The following CTNNA2 variants were observed in gnomAD, a reference collection of about 807,000 sequenced individuals.
CTNNA2 encodes catenin alpha 2.
A neutral mutation model predicts 101.0 loss-of-function variants in CTNNA2; 42 were observed. The ratio of observed to expected loss-of-function variants is 0.42; its 90% CI spans 0.32 to 0.54. The LOEUF (loss-of-function observed/expected upper bound fraction) is 0.54, where lower values mean the gene tolerates loss of function less well. CTNNA2 is among the 20% of genes least tolerant of loss of function. The pLI, the probability that CTNNA2 is intolerant of heterozygous loss-of-function variation, is 0.14. For synonymous variants in CTNNA2, 450 were observed against 456.4 expected, an observed-to-expected ratio of 0.99 and a Z score of 0.18; for missense variants, 871 against 1,223.1, an observed-to-expected ratio of 0.71 and a Z score of 4.29.
chr2:79,682,410 CAAAAA>C (rs10674928), intron 2 of CTNNA2, among the ~76,000 whole-genome samples: 1 of 73,334 alleles, frequency 1.4e-5, no homozygotes, highest in Admixed American at 1.8e-4. Context: ...AACTCCATCT[CAAAAA>C]AAAAAAAAAA....
intron 18 of CTNNA2, among the ~76,000 whole-genome samples, chr2:80,646,573 A>G (rs1203786172): frequency 6.6e-6 from 1 of 152,012 alleles, no homozygotes; most frequent in Non-Finnish European, 1.5e-5. Context: ...TGGTTGGGCT[A>G]TAACATTGAG....
chr2:79,314,928 G>A (rs1676462247), intron 3 of CTNNA2, among the ~76,000 whole-genome samples: 3 of 152,112 alleles, frequency 2.0e-5, no homozygotes, highest in Admixed American at 2.0e-4. Context: ...ATCCTTTAAT[G>A]CACAAAGGTT....
At chr2:80,012,388 A>AG (rs1300484637) in intron 7 of CTNNA2, among the ~76,000 whole-genome samples, 8 of 152,290 alleles carry the variant, frequency 5.3e-5, no homozygotes, top group Middle Eastern at 3.4e-3. Context: ...AAATCTTATA[A>AG]AGCTGTCTTG....
intron 1 of CTNNA2, among the ~76,000 whole-genome samples, chr2:79,556,634 G>A (rs1210472995): frequency 6.6e-6 from 1 of 151,912 alleles, no homozygotes; most frequent in African/African-American, 2.4e-5. Flanking sequence ...CCACACTTAG[G>A]TACTTGTCAA....
chr2:79,647,309 T>A (rs2104452405), intron 1 of CTNNA2, among the ~76,000 whole-genome samples: 1 of 152,308 alleles, frequency 6.6e-6, no homozygotes, highest in Non-Finnish European at 1.5e-5. Flanking sequence ...AAATTTAAAT[T>A]TGGGAAAATA....
In CTNNA2 at chr2:79,836,398, G is replaced by A. The variant is rs551842214; in HGVS notation, c.299-21615G>A. ...ATTTTTCAGTGCTCTAACAACCAAG[G>A]ATAAGACGCAGAGTACACTTTCAAA... On this transcript the variant is annotated intron_variant, in intron 3 of 18. Coordinates refer to ENST00000402739, the MANE Select transcript of CTNNA2 (RefSeq NM_001282597.3). Among the ~76,000 whole-genome samples the A allele has an allele frequency of 1.2e-4, 18 of 152,254 alleles. No individual in the cohort carries two copies. The East Asian group carries it at 3.3e-3, about 28-fold the overall frequency.
chr2:80,592,328 G>A (rs1696585012), intron 15 of CTNNA2, among the ~76,000 whole-genome samples: 1 of 152,094 alleles, frequency 6.6e-6, no homozygotes, highest in Non-Finnish European at 1.5e-5. Context: ...GGCCACATCT[G>A]CTCAGTGAAG....
At chr2:79,756,788 A>AC (rs1225337520) in intron 3 of CTNNA2, among the ~76,000 whole-genome samples, 4 of 152,236 alleles carry the variant, frequency 2.6e-5, no homozygotes, top group African/African-American at 9.6e-5. Flanking sequence ...ACCAAGGAAG[A>AC]CATGCAGATG....
chr2:79,285,143 T>C (rs1314973604), intron 2 of CTNNA2, among the ~76,000 whole-genome samples: 2 of 151,706 alleles, frequency 1.3e-5, no homozygotes, highest in Non-Finnish European at 2.9e-5. Flanking sequence ...TATTTGATTC[T>C]TTTTTTCTTT....
chr2:79,215,272 C>T (rs1191417926), intron 2 of CTNNA2, among the ~76,000 whole-genome samples: 1 of 152,156 alleles, frequency 6.6e-6, no homozygotes, highest in African/African-American at 2.4e-5. Context: ...ATTTCTGGCA[C>T]TTGTAGCAAG....
chr2:80,528,659 G>C (rs1690250190), intron 9 of CTNNA2, among the ~76,000 whole-genome samples: 1 of 152,016 alleles, frequency 6.6e-6, no homozygotes, highest in Admixed American at 6.6e-5. Context: ...CTACCACATA[G>C]AAGGTGCAAC....
In CTNNA2 at chr2:79,549,315, C is replaced by T. The variant is rs535670201; in HGVS notation, c.-6+36108C>T. Among the ~76,000 whole-genome samples the T allele has an allele frequency of 1.1e-3, 175 of 152,298 alleles. 3 individuals are homozygous for T. Among genetic ancestry groups the T allele is most frequent in the Non-Finnish European group, 4.4e-4 (30 of 68,028 alleles). ...CTTTCATGCCTCTTAGCACATGGGTCGGGGCAGTATTCACACACGTGGAAT... is the reference window on the plus strand; with the variant it reads ...CTTTCATGCCTCTTAGCACATGGGTTGGGGCAGTATTCACACACGTGGAAT... On this transcript the variant is annotated intron_variant, in intron 1 of 18. Transcript: ENST00000402739.
At chr2:80,416,555 T>C (rs1013836825) in intron 8 of CTNNA2, among the ~76,000 whole-genome samples, 1 of 152,074 alleles carries the variant, frequency 6.6e-6, no homozygotes, top group Non-Finnish European at 1.5e-5. Context: ...CGCAATAATA[T>C]TGGAATAATA....
intron 12 of CTNNA2, among the ~76,000 whole-genome samples, chr2:80,565,198 T>C (rs939277429): frequency 6.6e-6 from 1 of 152,122 alleles, no homozygotes; most frequent in African/African-American, 2.4e-5. Context: ...TACTACTTTG[T>C]TGGTAAAGGC....
chr2:80,323,005 T>G (rs1276286794), intron 7 of CTNNA2, among the ~76,000 whole-genome samples: 3 of 152,196 alleles, frequency 2.0e-5, no homozygotes, highest in Non-Finnish European at 4.4e-5. Flanking sequence ...GGAGAGGAAC[T>G]CTAGTTCTTG....
intron 2 of CTNNA2, among the ~76,000 whole-genome samples, chr2:79,272,654 T>G (rs1573010897): frequency 6.6e-6 from 1 of 152,120 alleles, no homozygotes; most frequent in Admixed American, 6.6e-5. Flanking sequence ...ACCTTGCCAC[T>G]GTAAATTGGA....
intron 7 of CTNNA2, among the ~76,000 whole-genome samples, chr2:80,079,413 C>T (rs1317710812): frequency 2.6e-5 from 4 of 152,148 alleles, no homozygotes; most frequent in Non-Finnish European, 4.4e-5. Context: ...TTCATAAATA[C>T]CATGGGAGCT....
chr2:80,192,854 C>T (rs1706600184), intron 7 of CTNNA2, among the ~76,000 whole-genome samples: 1 of 152,132 alleles, frequency 6.6e-6, no homozygotes. Flanking sequence ...TCTTTGTTAC[C>T]CTCAGAAATA....
At chr2:80,267,967 A>G (rs955374863) in intron 7 of CTNNA2, among the ~76,000 whole-genome samples, 1 of 152,228 alleles carries the variant, frequency 6.6e-6, no homozygotes, top group African/African-American at 2.4e-5. Context: ...GAGGCGTCTT[A>G]AGAAAACTAG....
Sources: allele counts gnomAD v4.1 joint callset (sites outside exome capture counted in the v4.1 genomes callset), GRCh38; gene constraint gnomAD v4.1.1; transcripts MANE v1.5; gene names NCBI Gene and HGNC (gene_info 2026-07-23, HGNC 2026-07-21).